Variants in NTRK2 observed in about 807,000 individuals in gnomAD.
The protein encoded by NTRK2 is neurotrophic receptor tyrosine kinase 2.
Under a neutral mutation model 94.5 loss-of-function variants are expected in NTRK2, and 13 were observed. That is an observed-to-expected ratio of 0.14 (90% confidence interval 0.09 to 0.22). NTRK2 has a LOEUF of 0.22. Among genes scored for constraint, NTRK2 ranks in the 10% least tolerant of loss-of-function variants. NTRK2 has a pLI of 1.00. For synonymous variants in NTRK2, 372 were observed against 407.4 expected, an observed-to-expected ratio of 0.91 and a Z score of 1.05; for missense variants, 639 against 1,071.2, an observed-to-expected ratio of 0.60 and a Z score of 5.63.
At chr9:84,757,179 G>A (rs140227526) in intron 12 of NTRK2, among the ~76,000 whole-genome samples, 158 of 152,094 alleles carry the variant, frequency 1.0e-3, no homozygotes, top group African/African-American at 3.4e-3. Flanking sequence ...GAAAAATGCC[G>A]TCGAAAAATT....
chr9:84,927,656 G>T (rs1317871128), intron 14 of NTRK2, among the ~76,000 whole-genome samples: 2 of 151,980 alleles, frequency 1.3e-5, no homozygotes, highest in Non-Finnish European at 2.9e-5. Context: ...TTCAAACCCT[G>T]CCTCTTACTA....
chr9:84,737,887 T>G (rs974055594), intron 9 of NTRK2, among the ~76,000 whole-genome samples: 1 of 151,524 alleles, frequency 6.6e-6, no homozygotes, highest in African/African-American at 2.4e-5. Flanking sequence ...ACAACATTCC[T>G]TAGGTCAAGA....
rs576107750 is a variant in NTRK2, at chr9:84,928,071, T to C, written c.1634-6091T>C. On this transcript the variant is annotated intron_variant, in intron 14 of 18. Coordinates refer to ENST00000277120, the MANE Select transcript of NTRK2 (RefSeq NM_006180.6). ...TCTTGTTACGTGCTCTATTTCATCC[T>C]TAATATTATTTATGAATATTTAGCC... Among the ~76,000 whole-genome samples, 4 of 152,388 alleles carry C rather than the reference T, an allele frequency of 2.6e-5. No individual in the cohort carries two copies. The East Asian group carries it at 7.7e-4, about 29-fold the overall frequency.
intron 12 of NTRK2, among the ~76,000 whole-genome samples, chr9:84,768,055 A>G (rs899176439): frequency 6.6e-6 from 1 of 152,198 alleles, no homozygotes; most frequent in African/African-American, 2.4e-5. Context: ...AATCCCATTC[A>G]TTGGCATGGG....
chr9:84,911,461 T>C (rs1395017150), intron 14 of NTRK2, among the ~76,000 whole-genome samples: 1 of 152,154 alleles, frequency 6.6e-6, no homozygotes, highest in African/African-American at 2.4e-5. Context: ...TTAAAAGTTA[T>C]AGAGCTATTC....
intron 12 of NTRK2, among the ~76,000 whole-genome samples, chr9:84,833,742 T>A (rs1000221471): frequency 6.6e-6 from 1 of 152,152 alleles, no homozygotes; most frequent in African/African-American, 2.4e-5. Flanking sequence ...TACATATAAA[T>A]CTTTGGAGCT....
At chr9:84,765,683 G>A (rs2065961990) in intron 12 of NTRK2, among the ~76,000 whole-genome samples, 1 of 152,116 alleles carries the variant, frequency 6.6e-6, no homozygotes, top group Non-Finnish European at 1.5e-5. Context: ...TGTCATACGT[G>A]ACTAGTATTG....
intron 12 of NTRK2, among the ~76,000 whole-genome samples, chr9:84,793,514 G>A (rs1299032091): frequency 6.6e-6 from 1 of 152,142 alleles, no homozygotes; most frequent in African/African-American, 2.4e-5. Context: ...CTTCCCAACC[G>A]AGTCCCACAA....
At chr9:84,808,539 T>C (rs1822430405) in intron 12 of NTRK2, among the ~76,000 whole-genome samples, 1 of 152,242 alleles carries the variant, frequency 6.6e-6, no homozygotes, top group South Asian at 2.1e-4. Context: ...CTCCACCCTC[T>C]TAAAAGCTAA....
chr9:84,897,186 G>A (rs895644564), intron 14 of NTRK2, among the ~76,000 whole-genome samples: 2 of 152,054 alleles, frequency 1.3e-5, no homozygotes, highest in African/African-American at 4.8e-5. Context: ...TGCCAGGGTA[G>A]AGTGCAGTGG....
intron 12 of NTRK2, among the ~76,000 whole-genome samples, chr9:84,830,677 T>A (rs1050687927): frequency 8.5e-5 from 13 of 152,204 alleles, no homozygotes; most frequent in African/African-American, 3.1e-4. Flanking sequence ...AGAGGCAGTT[T>A]AATCTCCAAA....
chr9:84,940,677 AC>A (rs1345443423), intron 15 of NTRK2, among the ~76,000 whole-genome samples: 3 of 152,084 alleles, frequency 2.0e-5, no homozygotes, highest in Non-Finnish European at 4.4e-5. Flanking sequence ...CAGAATCTAT[AC>A]AAGAGCAGTA....
chr9:84,865,740 T>G (rs998040728), intron 13 of NTRK2, among the ~76,000 whole-genome samples: 2 of 152,238 alleles, frequency 1.3e-5, no homozygotes, highest in Non-Finnish European at 2.9e-5. Context: ...TTTCACTCCC[T>G]ATTGTCTTTT....
intron 13 of NTRK2, among the ~76,000 whole-genome samples, chr9:84,863,856 T>G (rs1210472006): frequency 1.3e-5 from 2 of 152,190 alleles, no homozygotes. Flanking sequence ...TGAAAAGGCT[T>G]TTGAAAAATT....
chr9:84,706,521 G>GCTT (rs2061082600), intron 4 of NTRK2, among the ~76,000 whole-genome samples: 1 of 95,336 alleles, frequency 1.0e-5, no homozygotes, highest in African/African-American at 4.2e-5. Flanking sequence ...GTTATTTTTT[G>GCTT]TTTTTGTTTT....
At chr9:84,920,163 G>A (rs2077517579) in intron 14 of NTRK2, among the ~76,000 whole-genome samples, 1 of 152,088 alleles carries the variant, frequency 6.6e-6, no homozygotes, top group African/African-American at 2.4e-5. Context: ...TCTCACTCCT[G>A]TTCATTTCAT....
At chr9:85,002,368 G>A (rs889741788) in intron 17 of NTRK2, among the ~76,000 whole-genome samples, 21 of 152,206 alleles carry the variant, frequency 1.4e-4, no homozygotes, top group African/African-American at 4.8e-4. Context: ...TTTGCATCTG[G>A]TGTGAGCTCA....
intron 12 of NTRK2, among the ~76,000 whole-genome samples, chr9:84,779,015 C>T (rs1489435545): frequency 1.3e-5 from 2 of 152,118 alleles, no homozygotes; most frequent in African/African-American, 2.4e-5. Context: ...GGGAGGACCT[C>T]GACTTTAATG....
At chr9:84,943,168 A>C (rs1188919264) in intron 15 of NTRK2, among the ~76,000 whole-genome samples, 1 of 152,228 alleles carries the variant, frequency 6.6e-6, no homozygotes, top group Non-Finnish European at 1.5e-5. Context: ...TTTTAAAAAG[A>C]ACACAACCTC....
Sources: gnomAD v4.1 joint callset for allele counts (sites outside exome capture counted in the v4.1 genomes callset) on GRCh38, gnomAD v4.1.1 for gene constraint, MANE v1.5 for transcripts, NCBI Gene and HGNC (gene_info 2026-07-23, HGNC 2026-07-21) for gene names.